The following ING3 variants were observed in gnomAD, a reference collection of about 807,000 sequenced individuals.
The protein encoded by ING3 is inhibitor of growth protein 3.
A neutral mutation model predicts 64.8 loss-of-function variants in ING3; 6 were observed. That is an observed-to-expected ratio of 0.09 (90% CI 0.05 to 0.18). The LOEUF (loss-of-function observed/expected upper bound fraction) is 0.18, where lower values mean the gene tolerates loss of function less well. Ranked by LOEUF, ING3 falls within the 10% of genes least tolerant of loss-of-function variation. ING3 has a pLI of 1.00. For synonymous variants in ING3, 170 were observed against 173.7 expected, an observed-to-expected ratio of 0.98 and a Z score of 0.17; for missense variants, 310 against 489.7, an observed-to-expected ratio of 0.63 and a Z score of 3.46.
intron 4 of ING3, 180 bp downstream of exon 4, chr7:120,955,804 T>G: frequency 1.7e-6 from 1 of 605,852 alleles, no homozygotes; most frequent in Non-Finnish European, 2.9e-6. Context: ...AAAGTCAGAG[T>G]GGTTAGTTAA....
At chr7:120,967,183 G>T (rs1796007873) in intron 6 of ING3, among the ~76,000 whole-genome samples, 1 of 152,176 alleles carries the variant, frequency 6.6e-6, no homozygotes, top group South Asian at 2.1e-4. Context: ...GTCAAAAAAT[G>T]ACTATATCAG....
chr7:120,956,976 A>T (rs1795857964), intron 4 of ING3: 1 of 396,692 alleles, frequency 2.5e-6, no homozygotes, highest in Non-Finnish European at 3.4e-6. Context: ...TGCTTTTTAA[A>T]TATGTGTGTG....
intron 11 of ING3, 23 bp downstream of exon 11, chr7:120,973,266 T>G: frequency 6.8e-7 from 1 of 1,464,738 alleles, no homozygotes; most frequent in Non-Finnish European, 9.5e-7. Context: ...TTTTTCTATT[T>G]AGGAATGAAA....
chr7:120,951,345 C>A, intron 2 of ING3, 110 bp downstream of exon 2: 1 of 991,034 alleles, frequency 1.0e-6, no homozygotes. Flanking sequence ...GCTCACTCCG[C>A]TAGTGCATAA....
Position 120,950,937 on chromosome 7 carries a change from C to A in ING3, c.28+13C>A. On this transcript the variant is annotated intron_variant, in intron 1 of 11. Coordinates refer to ENST00000315870, the MANE Select transcript of ING3 (RefSeq NM_019071.3). Reference sequence around the variant, plus strand: ...GACTATCTGGAAAGTGAGTGCGCGGCGCTGGCGGCGGCCGCCAGTGGGACG... The same window carrying A: ...GACTATCTGGAAAGTGAGTGCGCGGAGCTGGCGGCGGCCGCCAGTGGGACG... 6.2e-7 allele frequency: 1 copy of A among 1,608,920 alleles called. No individual in the cohort carries two copies. Among genetic ancestry groups the A allele is most frequent in the Non-Finnish European group, 8.5e-7 (1 of 1,177,638 alleles).
chr7:120,973,129 C>T, intron 10 of ING3, 76 bp from the exon 11 acceptor site: 1 of 718,192 alleles, frequency 1.4e-6, no homozygotes, highest in Non-Finnish European at 2.5e-6. Flanking sequence ...CCAGCAGTAT[C>T]ATACATAAAC....
At chr7:120,962,962 A>T (rs553600599) in intron 4 of ING3, among the ~76,000 whole-genome samples, 1 of 152,142 alleles carries the variant, frequency 6.6e-6, no homozygotes, top group Non-Finnish European at 1.5e-5. Context: ...TCCATTCTTC[A>T]TATATCCTCC....
chr7:120,951,359 G>C (rs1202757019), intron 2 of ING3, 124 bp downstream of exon 2: 1 of 874,436 alleles, frequency 1.1e-6, no homozygotes, highest in Non-Finnish European at 1.8e-6. Context: ...TGCATAAGGA[G>C]TTGTCAAAAA....
rs1795998788 is a variant in ING3 at position 120,966,503 on chromosome 7, A to G, written c.365-123A>G. ...ATGTCTGGCTAAAATAAATACAGGC[A>G]TATGCATCAGAACTTGCTAGTCCTC... On this transcript the variant is annotated intron_variant, in intron 5 of 11. Coordinates refer to ENST00000315870, the MANE Select transcript of ING3 (RefSeq NM_019071.3). The G allele has an allele frequency of 1.2e-5, 9 of 781,314 alleles. 1 individual carries two copies. In the South Asian group the frequency reaches 1.2e-4, roughly 11 times the overall value. The allele number at this position is 781,314 out of a possible 1,614,324, so 48.4% of individuals were successfully genotyped here.
At position 120,976,850 on chromosome 7, in the gene ING3, C is replaced by G. The variant is rs761386213; in HGVS notation, c.*2006C>G. On this transcript the variant is annotated 3_prime_UTR_variant, in exon 12 of 12. Transcript: ENST00000315870. Reference sequence around the variant, plus strand: ...CTCAAACACTGAATATTTTATGAAGCATGTGTAAAGAAAGAAACCAAAATT... The same window carrying G: ...CTCAAACACTGAATATTTTATGAAGGATGTGTAAAGAAAGAAACCAAAATT... 2.6e-5 allele frequency: 4 copies of G among 152,112 alleles called. No individual in the cohort carries two copies. Among genetic ancestry groups the G allele is most frequent in the Non-Finnish European group, 5.9e-5 (4 of 68,012 alleles). 9.4% of individuals were successfully genotyped at this position (152,112 alleles called of 1,614,324 possible).
intron 4 of ING3, among the ~76,000 whole-genome samples, chr7:120,959,379 A>G (rs1311901006): frequency 5.9e-5 from 9 of 152,194 alleles, no homozygotes; most frequent in Admixed American, 5.9e-4. Flanking sequence ...AGTGTTAACA[A>G]TTATACGTTA....
intron 2 of ING3, 109 bp downstream of exon 2, chr7:120,951,344 G>A: frequency 1.0e-6 from 1 of 999,818 alleles, no homozygotes. Context: ...GGCTCACTCC[G>A]CTAGTGCATA....
intron 3 of ING3, among the ~76,000 whole-genome samples, chr7:120,954,049 G>C (rs139423096): frequency 6.6e-6 from 1 of 152,164 alleles, no homozygotes; most frequent in African/African-American, 2.4e-5. Flanking sequence ...TCATGATTCT[G>C]CTATTTAGCT....
chr7:120,966,295 AC>A (rs1254896571), intron 5 of ING3, among the ~76,000 whole-genome samples: 3 of 152,158 alleles, frequency 2.0e-5, no homozygotes, highest in Non-Finnish European at 4.4e-5. Context: ...GTTGACTCTT[AC>A]CAGTAATGAG....
chr7:120,951,942 T>A (rs1795772639), intron 2 of ING3, among the ~76,000 whole-genome samples: 1 of 152,224 alleles, frequency 6.6e-6, no homozygotes, highest in Admixed American at 6.5e-5. Flanking sequence ...AATAGGTGGC[T>A]CAGGGACCAC....
chr7:120,963,210 G>C (rs1584991671), intron 4 of ING3, among the ~76,000 whole-genome samples: 1 of 152,072 alleles, frequency 6.6e-6, no homozygotes, highest in African/African-American at 2.4e-5. Context: ...TCAATTACCT[G>C]CAGATTCTTT....
In ING3 at chr7:120,970,894, A is replaced by G; in HGVS notation, c.1101+14A>G. The stretch of plus-strand genomic sequence containing the variant: ...ATTTGTAATCAGGTAAAAGTCTGTT[A>G]TATCTATAAAAGTATAATCTGAATA... On this transcript the variant is annotated intron_variant, in intron 10 of 11. Transcript: ENST00000315870. 6.5e-7 allele frequency: 1 copy of G among 1,540,462 alleles called. No individual in the cohort carries two copies. The highest frequency in any genetic ancestry group is 9.0e-7 in the Non-Finnish European group (1 of 1,113,624).
intron 4 of ING3, among the ~76,000 whole-genome samples, chr7:120,958,269 A>C (rs1039172923): frequency 4.0e-5 from 6 of 150,226 alleles, no homozygotes; most frequent in Non-Finnish European, 7.4e-5. Flanking sequence ...ATCCTATTTC[A>C]GGTGAACATT....
At chr7:120,973,580 T>A (rs1295060973) in intron 11 of ING3, among the ~76,000 whole-genome samples, 1 of 152,152 alleles carries the variant, frequency 6.6e-6, no homozygotes, top group Non-Finnish European at 1.5e-5. Context: ...GAAATGGAAT[T>A]TTAAAACAAT....
Sources: allele counts gnomAD v4.1 joint callset (sites outside exome capture counted in the v4.1 genomes callset), GRCh38; gene constraint gnomAD v4.1.1; transcripts MANE v1.5; gene names NCBI Gene and HGNC (gene_info 2026-07-23, HGNC 2026-07-21).